The following SYCP1 variants were observed in gnomAD, a reference collection of about 807,000 sequenced individuals.
SYCP1 encodes the protein synaptonemal complex protein 1.
SYCP1 carries 64 observed loss-of-function variants against 153.1 expected under a neutral mutation model. The observed-to-expected ratio is 0.42, with a 90% CI of 0.34 to 0.51. The LOEUF (loss-of-function observed/expected upper bound fraction) is 0.51, where lower values mean the gene tolerates loss of function less well. Among genes scored for constraint, SYCP1 ranks in the 20% least tolerant of loss-of-function variants. SYCP1 has a pLI of 0.06. For missense variants in SYCP1, 997 were observed against 1,049.0 expected (o/e 0.95, Z 0.68); for synonymous variants, 384 against 341.8 (o/e 1.12, Z -1.36).
chr1:114,970,194 C>G (rs757383266), intron 27 of SYCP1, among the ~76,000 whole-genome samples: 1 of 152,004 alleles, frequency 6.6e-6, no homozygotes, highest in African/African-American at 2.4e-5. Flanking sequence ...TTTACTTGTT[C>G]GGTTCTATTG....
Position 114,944,339 on chromosome 1 carries a change from G to T in SYCP1, c.1927G>T (p.Val643Phe), listed in dbSNP as rs199508164. 6.5e-7 allele frequency: 1 copy of T among 1,550,062 alleles called. No individual in the cohort carries two copies. The highest frequency in any genetic ancestry group is 8.9e-7 in the Non-Finnish European group (1 of 1,129,552). ...TCATGCTATTTTTCTTTACTTAAAGGTCAATAAATTAGAGTTAGAACTAGA... is the reference window on the plus strand; with the variant it reads ...TCATGCTATTTTTCTTTACTTAAAGTTCAATAAATTAGAGTTAGAACTAGA... The part of the protein sequence containing the change: ...SKQLNVYEIK[V>F]NKLELELESA... Residue 643 changes from valine (V) to phenylalanine (F), a missense_variant and splice_region_variant, in exon 24 of 32, where the codon GTC becomes TTC. Physicochemically the swap from Val to Phe is conservative, Grantham distance 50. Coordinates refer to ENST00000369522, the MANE Select transcript of SYCP1 (RefSeq NM_003176.4).
chr1:114,947,541 T>G (rs930428103), intron 27 of SYCP1, among the ~76,000 whole-genome samples: 2 of 151,914 alleles, frequency 1.3e-5, no homozygotes, highest in African/African-American at 2.4e-5. Context: ...AAGAACACTT[T>G]TGTGGCTCAT....
intron 9 of SYCP1, among the ~76,000 whole-genome samples, chr1:114,875,476 G>C (rs1570677372): frequency 6.6e-6 from 1 of 152,020 alleles, no homozygotes; most frequent in East Asian, 1.9e-4. Context: ...AGCCAGGATG[G>C]TGTCCATCTC....
intron 16 of SYCP1, among the ~76,000 whole-genome samples, chr1:114,902,081 G>A (rs1319264467): frequency 6.6e-6 from 1 of 151,362 alleles, no homozygotes; most frequent in Non-Finnish European, 1.5e-5. Flanking sequence ...GGGCCCTTGG[G>A]TCATGCTTCC....
chr1:114,892,191 A>G (rs557345994), intron 15 of SYCP1, among the ~76,000 whole-genome samples: 1 of 152,216 alleles, frequency 6.6e-6, no homozygotes, highest in African/African-American at 2.4e-5. Context: ...TCGTGGGCCT[A>G]TCTTCAGGCT....
intron 16 of SYCP1, among the ~76,000 whole-genome samples, chr1:114,907,399 A>G (rs1313622656): frequency 1.3e-5 from 2 of 152,028 alleles, no homozygotes; most frequent in African/African-American, 2.4e-5. Flanking sequence ...TTCCTCTTTT[A>G]AACTCTCTGC....
intron 27 of SYCP1, among the ~76,000 whole-genome samples, chr1:114,970,892 A>G (rs1027959592): frequency 3.9e-5 from 6 of 152,188 alleles, no homozygotes; most frequent in South Asian, 2.1e-4. Context: ...AATGCTGGTT[A>G]TGCTGGCAGT....
intron 27 of SYCP1, among the ~76,000 whole-genome samples, chr1:114,955,026 G>A (rs1472969222): frequency 6.6e-6 from 1 of 152,160 alleles, no homozygotes; most frequent in African/African-American, 2.4e-5. Flanking sequence ...TAAGTATGAT[G>A]TTAGCTATAG....
Position 114,875,714 on chromosome 1 carries a change from T to A in SYCP1, c.658-355T>A, listed in dbSNP as rs563877032. 7.5e-4 allele frequency among the ~76,000 whole-genome samples: 114 copies of A among 152,318 alleles called. 1 individual carries two copies. The highest frequency in any genetic ancestry group is 1.2e-3 in the Admixed American group (18 of 15,292). ...AGCTGATGGAAGTGTAACTTTGGAT[T>A]CATGGGGAGAGGCCTCACATTAGTG... On this transcript the variant is annotated intron_variant, in intron 9 of 31. Coordinates refer to ENST00000369522, the MANE Select transcript of SYCP1 (RefSeq NM_003176.4).
Position 114,859,830 on chromosome 1 carries a change from A to T in SYCP1, c.524+20A>T, listed in dbSNP as rs1450271280. ...AAAAGAGTAAGTAGTAATTTAATGA[A>T]TTTGTTCTTTTCACATTTTTTATTC... On this transcript the variant is annotated intron_variant, in intron 7 of 31. Transcript: ENST00000369522. 1 of 664,866 alleles carries T rather than the reference A, an allele frequency of 1.5e-6. No individual in the cohort carries two copies. Among genetic ancestry groups the T allele is most frequent in the Non-Finnish European group, 2.2e-6 (1 of 464,506 alleles). 41.2% of individuals were successfully genotyped at this position (664,866 alleles called of 1,614,324 possible). A position where few individuals can be genotyped will look rare whatever the true frequency, so the allele number is the denominator to read the frequency against.
intron 8 of SYCP1, among the ~76,000 whole-genome samples, chr1:114,864,207 G>T (rs1329292833): frequency 2.0e-5 from 3 of 152,052 alleles, no homozygotes; most frequent in Non-Finnish European, 4.4e-5. Flanking sequence ...TATATGTTAG[G>T]TGATAACTGC....
At chr1:114,952,175 C>G (rs1445430320) in intron 27 of SYCP1, among the ~76,000 whole-genome samples, 1 of 152,040 alleles carries the variant, frequency 6.6e-6, no homozygotes, top group African/African-American at 2.4e-5. Context: ...AAACAACTAC[C>G]TAAGAATACA....
chr1:114,883,149 A>G (rs1040492764), intron 12 of SYCP1, among the ~76,000 whole-genome samples: 4 of 152,094 alleles, frequency 2.6e-5, no homozygotes, highest in African/African-American at 7.2e-5. Flanking sequence ...TAATGCTTTA[A>G]TATTCTTAAT....
chr1:114,912,173 A>G (rs918817212), intron 18 of SYCP1, among the ~76,000 whole-genome samples: 2 of 151,836 alleles, frequency 1.3e-5, no homozygotes, highest in African/African-American at 4.8e-5. Context: ...TTTTTATCTA[A>G]TTCTCTATTT....
At position 114,967,583 on chromosome 1, in the gene SYCP1, G is replaced by A. The variant is rs12089809; in HGVS notation, c.2323-9974G>A. On this transcript the variant is annotated intron_variant, in intron 27 of 31. Coordinates refer to ENST00000369522, the MANE Select transcript of SYCP1 (RefSeq NM_003176.4). ...TTTGAGTCTATGTGTGTCTTTGCAC[G>A]TGAGATGGGTCTCCTGAATACAGCA... Among the ~76,000 whole-genome samples the A allele has an allele frequency of 8.4e-3, 1,280 of 152,162 alleles. 21 individuals are homozygous for A. The highest frequency in any genetic ancestry group is 0.029 in the African/African-American group (1,215 of 41,504).
rs769052935 is a variant in SYCP1 at position 114,984,760 on chromosome 1, A to G, written c.2595A>G (p.Leu865=). The G allele has an allele frequency of 1.3e-6, 2 of 1,501,760 alleles. No homozygotes were observed. The highest frequency in any genetic ancestry group is 1.4e-5 in the South Asian group (1 of 69,488). The allele number at this position is 1,501,760 out of a possible 1,614,324, so 93.0% of individuals were successfully genotyped here. A position where few individuals can be genotyped will look rare whatever the true frequency, so the allele number is the denominator to read the frequency against. Residue 865 remains leucine (L), a synonymous_variant, in exon 30 of 32, where the codon CTA becomes CTG. Coordinates refer to ENST00000369522, the MANE Select transcript of SYCP1 (RefSeq NM_003176.4). Reference sequence around the variant, plus strand: ...TGAAGACACCAACAAAACCAAAACTACAGCAAAGAGAAAACTTGAATATAC... The same window carrying G: ...TGAAGACACCAACAAAACCAAAACTGCAGCAAAGAGAAAACTTGAATATAC... The part of the protein sequence containing the change: ...YTVKTPTKPK[L]QQRENLNIPI...
intron 30 of SYCP1, 27 bp from the exon 31 acceptor site, chr1:114,994,671 C>T (rs2101996661): frequency 6.7e-7 from 1 of 1,501,732 alleles, no homozygotes; most frequent in South Asian, 1.3e-5. Context: ...GTAAACCCAA[C>T]ATCATATTTT....
intron 20 of SYCP1, among the ~76,000 whole-genome samples, chr1:114,918,475 T>A (rs1668654493): frequency 6.6e-6 from 1 of 152,064 alleles, no homozygotes; most frequent in Admixed American, 6.6e-5. Flanking sequence ...CTATTCTGGG[T>A]CTTTTGTGGT....
chr1:114,929,355 AATTAT>A (rs1486308600), intron 23 of SYCP1, among the ~76,000 whole-genome samples: 2 of 152,142 alleles, frequency 1.3e-5, no homozygotes, highest in Non-Finnish European at 2.9e-5. Flanking sequence ...GCATATCAAT[AATTAT>A]ATTAAATGTG....
Sources: allele counts gnomAD v4.1 joint callset (sites outside exome capture counted in the v4.1 genomes callset), GRCh38; gene constraint gnomAD v4.1.1; transcripts MANE v1.5; gene names NCBI Gene and HGNC (gene_info 2026-07-23, HGNC 2026-07-21).